Variants in NEBL observed in about 807,000 individuals in gnomAD.
NEBL encodes LIM and SH3 protein 2.
Under a neutral mutation model 140.2 loss-of-function variants are expected in NEBL, and 122 were observed. The ratio of observed to expected loss-of-function variants is 0.87; its 90% CI spans 0.75 to 1.01. The LOEUF (loss-of-function observed/expected upper bound fraction) is 1.01, where lower values mean the gene tolerates loss of function less well. Ranked by LOEUF, NEBL falls within the 50% of genes least tolerant of loss-of-function variation. The pLI is 0.00. For missense variants in NEBL, 1,365 were observed against 1,231.3 expected, an observed-to-expected ratio of 1.11 and a Z score of -1.62; for synonymous variants, 436 against 398.9, an observed-to-expected ratio of 1.09 and a Z score of -1.11.
intron 3 of NEBL, chr10:21,020,034 G>A: frequency 2.5e-6 from 3 of 1,220,948 alleles, no homozygotes; most frequent in East Asian, 2.3e-5. Context: ...AGCAGGAACA[G>A]TACGAAGACA....
chr10:21,193,107 G>A (rs1841599742), intron 3 of NEBL, among the ~76,000 whole-genome samples: 1 of 152,092 alleles, frequency 6.6e-6, no homozygotes, highest in Non-Finnish European at 1.5e-5. Flanking sequence ...CACTGAACAA[G>A]CTCCCAATGC....
chr10:21,042,487 A>G (rs1204024842), intron 2 of NEBL, among the ~76,000 whole-genome samples: 3 of 152,254 alleles, frequency 2.0e-5, no homozygotes, highest in Non-Finnish European at 4.4e-5. Flanking sequence ...AAGGTAATAA[A>G]TGTTCAAATC....
At chr10:21,138,036 G>A (rs781253637) in intron 2 of NEBL, among the ~76,000 whole-genome samples, 3 of 151,910 alleles carry the variant, frequency 2.0e-5, no homozygotes, top group Non-Finnish European at 4.4e-5. Context: ...GGTGGGTATC[G>A]AGATTTCCAA....
At chr10:21,232,530 A>G (rs1374121445) in intron 3 of NEBL, among the ~76,000 whole-genome samples, 1 of 152,216 alleles carries the variant, frequency 6.6e-6, no homozygotes, top group Non-Finnish European at 1.5e-5. Context: ...AGACAGTCCT[A>G]TCTGGGGATG....
chr10:20,980,434 T>C (rs1836990504), intron 3 of NEBL, among the ~76,000 whole-genome samples: 1 of 151,276 alleles, frequency 6.6e-6, no homozygotes, highest in African/African-American at 2.4e-5. Flanking sequence ...GAAGAGACAC[T>C]GAAAGAAAAG....
chr10:21,248,237 AT>A (rs758004026), intron 2 of NEBL: 1,961 of 149,730 alleles, frequency 0.013, 17 homozygotes, highest in Non-Finnish European at 0.018. Flanking sequence ...TGCCCTGCTA[AT>A]TTTTTTTTTC....
intron 1 of NEBL, among the ~76,000 whole-genome samples, chr10:21,291,650 C>T (rs1255705630): frequency 6.6e-6 from 1 of 152,058 alleles, no homozygotes; most frequent in East Asian, 1.9e-4. Flanking sequence ...CGCAGTGGCT[C>T]ACACCTGTAA....
intron 2 of NEBL, among the ~76,000 whole-genome samples, chr10:21,094,827 G>A (rs145610120): frequency 7.4e-4 from 113 of 152,244 alleles, no homozygotes; most frequent in African/African-American, 2.6e-3. Flanking sequence ...TAATTTCACC[G>A]AACCAGATTC....
At chr10:20,822,993 A>C (rs1449680766) in intron 19 of NEBL, among the ~76,000 whole-genome samples, 1 of 152,140 alleles carries the variant, frequency 6.6e-6, no homozygotes, top group Non-Finnish European at 1.5e-5. Flanking sequence ...TGTCTGAATA[A>C]TATGTGTCTT....
At chr10:20,860,075 T>A (rs951522365) in intron 7 of NEBL, among the ~76,000 whole-genome samples, 2 of 152,160 alleles carry the variant, frequency 1.3e-5, no homozygotes, top group Non-Finnish European at 2.9e-5. Context: ...AATTATGCAC[T>A]AAAATACCAA....
At chr10:21,144,828 G>A (rs941100216) in intron 2 of NEBL, among the ~76,000 whole-genome samples, 2 of 151,958 alleles carry the variant, frequency 1.3e-5, no homozygotes, top group Non-Finnish European at 2.9e-5. Context: ...AGCTATTCAC[G>A]TCATATGTCT....
chr10:20,979,805 C>T (rs916266027), intron 3 of NEBL, among the ~76,000 whole-genome samples: 5 of 152,100 alleles, frequency 3.3e-5, no homozygotes, highest in African/African-American at 1.2e-4. Flanking sequence ...CTCTTGTGCT[C>T]AAGCAATCCT....
intron 3 of NEBL, among the ~76,000 whole-genome samples, chr10:20,968,629 A>G (rs1836435870): frequency 6.6e-6 from 1 of 152,232 alleles, no homozygotes; most frequent in South Asian, 2.1e-4. Context: ...GACGGAAGGT[A>G]TATATAGGAG....
At chr10:21,233,788 C>CATATATATTACATATATAG (rs1025521061) in intron 3 of NEBL, among the ~76,000 whole-genome samples, 16 of 121,750 alleles carry the variant, frequency 1.3e-4, no homozygotes, top group South Asian at 6.2e-4. Context: ...CATATATATG[C>CATATATATTACATATATAG]ATATATATTA....
chr10:21,201,125 C>T (rs1412599204), intron 3 of NEBL, among the ~76,000 whole-genome samples: 1 of 151,980 alleles, frequency 6.6e-6, no homozygotes. Context: ...TCTCCTTCTG[C>T]AGAATTTTGT....
At chr10:21,061,298 A>G (rs1216057199) in intron 2 of NEBL, among the ~76,000 whole-genome samples, 3 of 143,686 alleles carry the variant, frequency 2.1e-5, no homozygotes. Flanking sequence ...GTAACATATT[A>G]CATATTATGT....
chr10:20,930,962 A>C (rs1360885125), intron 4 of NEBL, among the ~76,000 whole-genome samples: 1 of 152,160 alleles, frequency 6.6e-6, no homozygotes, highest in Non-Finnish European at 1.5e-5. Flanking sequence ...CATACAAAAC[A>C]TAGAAACAAA....
At chr10:21,264,850 C>T (rs1417326018) in intron 1 of NEBL, among the ~76,000 whole-genome samples, 2 of 150,416 alleles carry the variant, frequency 1.3e-5, no homozygotes, top group Non-Finnish European at 2.9e-5. Flanking sequence ...AGGGCTTGTT[C>T]TTTTTCAAAT....
intron 20 of NEBL, among the ~76,000 whole-genome samples, chr10:20,818,438 A>C (rs1838956152): frequency 6.6e-6 from 1 of 152,206 alleles, no homozygotes; most frequent in African/African-American, 2.4e-5. Flanking sequence ...CCCAGCACAG[A>C]GTAGCGCTGC....
Sources: gnomAD v4.1 joint callset for allele counts (sites outside exome capture counted in the v4.1 genomes callset) on GRCh38, gnomAD v4.1.1 for gene constraint, MANE v1.5 for transcripts, NCBI Gene and HGNC (gene_info 2026-07-23, HGNC 2026-07-21) for gene names.